DCDC2C: variants seen among roughly 807,000 people sequenced by gnomAD.
DCDC2C encodes the protein doublecortin domain-containing protein 2C.
DCDC2C carries 44 observed loss-of-function variants against 45.0 expected under a neutral mutation model. The ratio of observed to expected loss-of-function variants is 0.98; its 90% CI spans 0.77 to 1.26. DCDC2C has a LOEUF of 1.26. DCDC2C is among the 50% of genes most tolerant of loss of function. The probability of loss-of-function intolerance (pLI) is 0.00; values close to 1 mark genes in which losing one functional copy is unlikely to be tolerated. For synonymous variants in DCDC2C, 187 were observed against 178.8 expected, an observed-to-expected ratio of 1.05 and a Z score of -0.37; for missense variants, 447 against 468.9, an observed-to-expected ratio of 0.95 and a Z score of 0.43.
chr2:3,800,975 C>A (rs1558234041), intron 10 of DCDC2C, among the ~76,000 whole-genome samples: 1 of 152,136 alleles, frequency 6.6e-6, no homozygotes, highest in Non-Finnish European at 1.5e-5. Flanking sequence ...ACCTCACTGA[C>A]CCCTGGAAGG....
In DCDC2C at chr2:3,752,851, A is replaced by G. The variant is rs2148126223; in HGVS notation, c.634A>G (p.Lys212Glu). The change falls in exon 5 of 11, where the codon AAA becomes GAA. Residue 212 changes from lysine to glutamate, a missense_variant. Transcript: ENST00000399143. ...FYVAVGLETF[K>E]YFPYWKSPRV... ...TGTTGCTGTGGGACTGGAGACCTTC[A>G]AATATTTTCCTTACTGGAAGTCTCC... 6.4e-7 allele frequency: 1 copy of G among 1,550,542 alleles called. No homozygotes were observed. Among genetic ancestry groups the G allele is most frequent in the Non-Finnish European group, 8.7e-7 (1 of 1,146,968 alleles).
intron 10 of DCDC2C, among the ~76,000 whole-genome samples, chr2:3,789,297 A>G (rs11886335): frequency 0.23 from 35,078 of 152,052 alleles, 4,368 homozygotes; most frequent in African/African-American, 0.32. Flanking sequence ...TTCCTGCCCT[A>G]TTTCCAGACT....
chr2:3,800,148 C>A (rs1279835657), intron 10 of DCDC2C, among the ~76,000 whole-genome samples: 1 of 152,220 alleles, frequency 6.6e-6, no homozygotes, highest in Non-Finnish European at 1.5e-5. Context: ...CCGTCTGTCA[C>A]CACTTTCTCT....
intron 3 of DCDC2C, among the ~76,000 whole-genome samples, chr2:3,738,910 G>A (rs1242846125): frequency 6.6e-6 from 1 of 152,118 alleles, no homozygotes; most frequent in Non-Finnish European, 1.5e-5. Flanking sequence ...TATTTTAGAT[G>A]GAGTTGTTCA....
chr2:3,756,617 G>T (rs1212872231), intron 6 of DCDC2C, among the ~76,000 whole-genome samples: 1 of 152,250 alleles, frequency 6.6e-6, no homozygotes, highest in Non-Finnish European at 1.5e-5. Flanking sequence ...GCGTGGTGTT[G>T]TTGGAAATAA....
intron 10 of DCDC2C, among the ~76,000 whole-genome samples, chr2:3,806,604 G>A (rs1388186837): frequency 2.0e-5 from 3 of 150,860 alleles, no homozygotes; most frequent in African/African-American, 4.9e-5. Flanking sequence ...GTGCAATGGC[G>A]TGATCTCAGC....
intron 4 of DCDC2C, among the ~76,000 whole-genome samples, chr2:3,743,227 A>G (rs1572577939): frequency 6.6e-6 from 1 of 152,212 alleles, no homozygotes; most frequent in Non-Finnish European, 1.5e-5. Flanking sequence ...TATATATGCA[A>G]CTGTCACTGG....
intron 2 of DCDC2C, among the ~76,000 whole-genome samples, chr2:3,721,471 G>A (rs533054019): frequency 2.6e-5 from 4 of 152,168 alleles, no homozygotes; most frequent in Non-Finnish European, 4.4e-5. Context: ...GATATTTTGT[G>A]TGGAAGGGGC....
At chr2:3,813,964 G>C (rs1257928684) in intron 10 of DCDC2C, among the ~76,000 whole-genome samples, 10 of 152,114 alleles carry the variant, frequency 6.6e-5, no homozygotes, top group Non-Finnish European at 1.3e-4. Context: ...CATGATGCTA[G>C]CTGGTTATTT....
intron 6 of DCDC2C, among the ~76,000 whole-genome samples, chr2:3,759,355 A>G (rs1390152882): frequency 6.6e-6 from 1 of 152,228 alleles, no homozygotes; most frequent in African/African-American, 2.4e-5. Flanking sequence ...CAGTAAGTAG[A>G]AAATAGAACT....
chr2:3,729,138 A>T (rs1299943782), intron 3 of DCDC2C, among the ~76,000 whole-genome samples: 1 of 152,214 alleles, frequency 6.6e-6, no homozygotes, highest in Non-Finnish European at 1.5e-5. Context: ...CGTTTAAAAG[A>T]TCTTTTGTCG....
At chr2:3,763,363 G>C (rs530666667) in intron 6 of DCDC2C, among the ~76,000 whole-genome samples, 2 of 152,292 alleles carry the variant, frequency 1.3e-5, no homozygotes, top group South Asian at 2.1e-4. Context: ...GGTGAGCGCG[G>C]CTCGAGATGT....
chr2:3,837,153 G>A (rs1231511660), intron 10 of DCDC2C, among the ~76,000 whole-genome samples: 1 of 152,126 alleles, frequency 6.6e-6, no homozygotes, highest in African/African-American at 2.4e-5. Context: ...GAGCTCAGTA[G>A]GAACACAAGT....
chr2:3,776,043 CCTT>C (rs1161899454), intron 8 of DCDC2C, among the ~76,000 whole-genome samples: 1 of 152,184 alleles, frequency 6.6e-6, no homozygotes, highest in Non-Finnish European at 1.5e-5. Flanking sequence ...GCCATCTGCC[CCTT>C]CTTCATCATA....
At chr2:3,842,489 G>T (rs566364272) in intron 10 of DCDC2C, among the ~76,000 whole-genome samples, 73 of 152,108 alleles carry the variant, frequency 4.8e-4, no homozygotes, top group African/African-American at 1.7e-3. Context: ...AAGAGTGAGG[G>T]TGCATTGGGG....
chr2:3,792,237 GC>G (rs1424816462), intron 10 of DCDC2C, among the ~76,000 whole-genome samples: 2 of 152,158 alleles, frequency 1.3e-5, no homozygotes, highest in African/African-American at 4.8e-5. Context: ...GCAGGAATAG[GC>G]CCTGGAGAAA....
chr2:3,830,481 G>T (rs181070487), intron 10 of DCDC2C, among the ~76,000 whole-genome samples: 8 of 152,262 alleles, frequency 5.3e-5, no homozygotes, highest in African/African-American at 1.7e-4. Context: ...CATTGCAGGG[G>T]CCCCATGTCC....
rs1355097227 is a variant in DCDC2C at position 3,754,738 on chromosome 2, G to C, written c.726+104G>C. ...GGTGACGGCCCGAGCTGTAAACAGA[G>C]CATCAGTGCCAGGGCCTGGGCCAGC... On this transcript the variant is annotated intron_variant, in intron 6 of 10. Coordinates refer to ENST00000399143, the MANE Select transcript of DCDC2C (RefSeq NM_001287444.2). 3 of 979,878 alleles carry C rather than the reference G, an allele frequency of 3.1e-6. No homozygotes were observed. The African/African-American group carries it at 4.9e-5, about 16-fold the overall frequency. The allele number at this position is 979,878 out of a possible 1,614,324, so 60.7% of individuals were successfully genotyped here.
At chr2:3,816,346 G>A (rs143349842) in intron 10 of DCDC2C, among the ~76,000 whole-genome samples, 23 of 152,274 alleles carry the variant, frequency 1.5e-4, no homozygotes, top group Non-Finnish European at 2.9e-4. Context: ...GTGAGTTTTT[G>A]GGCTCTATCC....
Sources: allele counts gnomAD v4.1 joint callset (sites outside exome capture counted in the v4.1 genomes callset), GRCh38; gene constraint gnomAD v4.1.1; transcripts MANE v1.5; gene names NCBI Gene and HGNC (gene_info 2026-07-23, HGNC 2026-07-21).